The following SETD3 variants were observed in gnomAD, a reference collection of about 807,000 sequenced individuals.
SETD3 encodes SET domain containing 3, actin N3(tau)-histidine methyltransferase.
SETD3 carries 19 observed loss-of-function variants against 63.0 expected under a neutral mutation model. That is an observed-to-expected ratio of 0.30 (90% CI 0.21 to 0.44). The LOEUF (loss-of-function observed/expected upper bound fraction) is 0.44. SETD3 is among the 20% of genes least tolerant of loss of function. The probability of loss-of-function intolerance (pLI) is 1.00; values close to 1 mark genes in which losing one functional copy is unlikely to be tolerated. For synonymous variants in SETD3, 286 were observed against 264.1 expected, an observed-to-expected ratio of 1.08 and a Z score of -0.80; for missense variants, 587 against 728.5, an observed-to-expected ratio of 0.81 and a Z score of 2.24.
At chr14:99,412,062 A>C (rs1476630518) in intron 8 of SETD3, 1 of 152,270 alleles carries the variant, frequency 6.6e-6, no homozygotes, top group Non-Finnish European at 1.5e-5. Context: ...GCTAATAACA[A>C]GGAAAGCTGA....
chr14:99,402,300 G>A (rs1405905529), intron 11 of SETD3, among the ~76,000 whole-genome samples: 2 of 152,232 alleles, frequency 1.3e-5, no homozygotes, highest in African/African-American at 4.8e-5. Context: ...CAGGAGCAAT[G>A]TGGGATGTCC....
chr14:99,476,427 G>A (rs1895975646), intron 1 of SETD3, among the ~76,000 whole-genome samples: 1 of 152,182 alleles, frequency 6.6e-6, no homozygotes, highest in Non-Finnish European at 1.5e-5. Context: ...ATACATAGGA[G>A]GAGCTGCAGG....
chr14:99,432,673 G>A (rs1439906720), intron 6 of SETD3, among the ~76,000 whole-genome samples: 1 of 152,236 alleles, frequency 6.6e-6, no homozygotes, highest in African/African-American at 2.4e-5. Context: ...AGACGTAACA[G>A]TGACACACAA....
At chr14:99,455,135 C>T (rs1375976903) in intron 6 of SETD3, among the ~76,000 whole-genome samples, 5 of 152,216 alleles carry the variant, frequency 3.3e-5, no homozygotes, top group African/African-American at 1.2e-4. Flanking sequence ...TCCACGCAGC[C>T]ACAGCGCCTC....
intron 6 of SETD3, among the ~76,000 whole-genome samples, chr14:99,421,657 G>A (rs1027705553): frequency 3.9e-5 from 6 of 152,096 alleles, no homozygotes; most frequent in Non-Finnish European, 8.8e-5. Context: ...AGCGCTCTGT[G>A]CCGGGCACTC....
At chr14:99,462,610 C>T (rs1895133980) in intron 3 of SETD3, among the ~76,000 whole-genome samples, 1 of 152,176 alleles carries the variant, frequency 6.6e-6, no homozygotes. Flanking sequence ...TAAGGCGCTA[C>T]CCACTTGGTG....
intron 6 of SETD3, among the ~76,000 whole-genome samples, chr14:99,424,309 A>G (rs1458053325): frequency 6.6e-6 from 1 of 152,196 alleles, no homozygotes; most frequent in Non-Finnish European, 1.5e-5. Context: ...TGGTAGGGTC[A>G]GAAAAGCCTG....
In SETD3 at chr14:99,461,259, A is replaced by C; in HGVS notation, c.278T>G (p.Val93Gly). 6.2e-7 allele frequency: 1 copy of C among 1,614,216 alleles called. No individual in the cohort carries two copies. The highest frequency in any genetic ancestry group is 8.5e-7 in the Non-Finnish European group (1 of 1,180,048). Residue 93 changes from valine (V) to glycine (G), a missense_variant, in exon 4 of 13, where the codon GTC becomes GGC. By Grantham distance (109) the Val-to-Gly change is moderately radical (BLOSUM62 -3). Transcript: ENST00000331768. ...MKWASENGAS[V>G]EGFEMVNFKE... is the part of the protein sequence containing the mutation. ...GAAGTTAACCATTTCAAAACCCTCGACAGAAGCCCCATTTTCAGAGGCCCA... is the reference window on the plus strand; with the variant it reads ...GAAGTTAACCATTTCAAAACCCTCGCCAGAAGCCCCATTTTCAGAGGCCCA...
At chr14:99,450,438 CA>C (rs1419245479) in intron 6 of SETD3, among the ~76,000 whole-genome samples, 1 of 152,188 alleles carries the variant, frequency 6.6e-6, no homozygotes, top group Non-Finnish European at 1.5e-5. Context: ...TGCCAAGAAC[CA>C]AAAGTGACAT....
At chr14:99,435,704 C>A (rs981443374) in intron 6 of SETD3, among the ~76,000 whole-genome samples, 2 of 151,262 alleles carry the variant, frequency 1.3e-5, no homozygotes, top group Non-Finnish European at 1.5e-5. Context: ...TGGCTTCACA[C>A]ACCTGTAGGA....
intron 2 of SETD3, among the ~76,000 whole-genome samples, chr14:99,465,339 C>T (rs1026980083): frequency 2.0e-5 from 3 of 152,144 alleles, no homozygotes; most frequent in Middle Eastern, 3.2e-3. Context: ...TCTATGTTTA[C>T]GACAAGAACA....
At chr14:99,472,744 A>C (rs778696454) in intron 1 of SETD3, among the ~76,000 whole-genome samples, 65 of 152,348 alleles carry the variant, frequency 4.3e-4, no homozygotes, top group East Asian at 3.9e-4. Context: ...CTAACTCAAA[A>C]ATTTTTTTCC....
chr14:99,416,046 C>T (rs1435526496), intron 6 of SETD3, among the ~76,000 whole-genome samples: 1 of 152,126 alleles, frequency 6.6e-6, no homozygotes, highest in South Asian at 2.1e-4. Flanking sequence ...AAAATCTCTG[C>T]TGTCTCTAAA....
At position 99,404,246 on chromosome 14, in the gene SETD3, G is replaced by A. The variant is rs1427308766; in HGVS notation, c.1156C>T (p.Arg386Ter). The change falls in exon 11 of 13, where the codon CGA (arginine) becomes TGA (stop). Residue 386 changes from arginine to a stop codon, truncating the protein, a stop_gained. Transcript: ENST00000331768. LOFTEE classifies it high-confidence loss of function. ...PISAQLLAFL[R>*]VFCMTEEELK... ...TTACCTTCAGTCATACAGAATACTC[G>A]GAGAAAAGCCAAAAGCTGAGCAGAG... 4 of 1,613,858 alleles carry A rather than the reference G, an allele frequency of 2.5e-6. No individual in the cohort carries two copies. Among genetic ancestry groups the A allele is most frequent in the South Asian group, 2.2e-5 (2 of 91,072 alleles).
At chr14:99,447,874 A>C (rs1303308197) in intron 6 of SETD3, among the ~76,000 whole-genome samples, 2 of 152,236 alleles carry the variant, frequency 1.3e-5, no homozygotes, top group Non-Finnish European at 2.9e-5. Flanking sequence ...GAAGAGGTGG[A>C]GTGATCTTTA....
chr14:99,421,707 T>G (rs1892606995), intron 6 of SETD3, among the ~76,000 whole-genome samples: 1 of 152,102 alleles, frequency 6.6e-6, no homozygotes, highest in African/African-American at 2.4e-5. Context: ...ATCATCTCAA[T>G]TCCTATGAAA....
intron 1 of SETD3, among the ~76,000 whole-genome samples, chr14:99,476,017 TG>T (rs1895954543): frequency 6.6e-6 from 1 of 152,252 alleles, no homozygotes; most frequent in Non-Finnish European, 1.5e-5. Flanking sequence ...CTGTGTCCTA[TG>T]GAAGTTCTCC....
intron 1 of SETD3, among the ~76,000 whole-genome samples, chr14:99,475,040 A>G (rs1895900165): frequency 6.6e-6 from 1 of 152,212 alleles, no homozygotes; most frequent in African/African-American, 2.4e-5. Context: ...TACCAAAAAA[A>G]CCTTTTGTAA....
chr14:99,462,486 T>G (rs939781303), intron 3 of SETD3, among the ~76,000 whole-genome samples: 1 of 152,174 alleles, frequency 6.6e-6, no homozygotes, highest in African/African-American at 2.4e-5. Flanking sequence ...ATGGCGAAAA[T>G]GACCAGAATG....
Sources: gnomAD v4.1 joint callset for allele counts (sites outside exome capture counted in the v4.1 genomes callset) on GRCh38, gnomAD v4.1.1 for gene constraint, MANE v1.5 for transcripts, NCBI Gene and HGNC (gene_info 2026-07-23, HGNC 2026-07-21) for gene names.